The following MEGF11 variants were observed in gnomAD, a reference collection of about 807,000 sequenced individuals.
MEGF11 encodes the protein multiple epidermal growth factor-like domains protein 11.
A neutral mutation model predicts 146.6 loss-of-function variants in MEGF11; 126 were observed. That is an observed-to-expected ratio of 0.86 (90% CI 0.74 to 1.00). The LOEUF (loss-of-function observed/expected upper bound fraction) is 1.00. MEGF11 is among the 50% of genes least tolerant of loss of function. The pLI is 0.00. For synonymous variants in MEGF11, 532 were observed against 583.4 expected, an observed-to-expected ratio of 0.91 and a Z score of 1.27; for missense variants, 1,509 against 1,521.2, an observed-to-expected ratio of 0.99 and a Z score of 0.13.
chr15:66,100,455 G>A (rs1363907684), intron 4 of MEGF11, among the ~76,000 whole-genome samples: 1 of 152,186 alleles, frequency 6.6e-6, no homozygotes, highest in African/African-American at 2.4e-5. Flanking sequence ...AACAGACCGG[G>A]AGCCAGGCTG....
chr15:65,916,978 G>C, intron 16 of MEGF11, 22 bp from the exon 17 acceptor site: 2 of 1,483,398 alleles, frequency 1.3e-6, no homozygotes, highest in Non-Finnish European at 1.8e-6. Context: ...GTGAAATGCA[G>C]AGGGTGAGGG....
intron 1 of MEGF11, among the ~76,000 whole-genome samples, chr15:66,161,930 C>T (rs2089963837): frequency 6.6e-6 from 1 of 152,194 alleles, no homozygotes; most frequent in South Asian, 2.1e-4. Flanking sequence ...CCACTACCCA[C>T]AAATACATGT....
intron 5 of MEGF11, among the ~76,000 whole-genome samples, chr15:66,077,191 C>T (rs2085627871): frequency 6.6e-6 from 1 of 152,248 alleles, no homozygotes; most frequent in Non-Finnish European, 1.5e-5. Context: ...GCCTCCGCTT[C>T]AACCACACTG....
In MEGF11 at chr15:65,896,796, C is replaced by A. The variant is rs75972014; in HGVS notation, c.*1138G>T. 1 of 152,230 alleles carries A rather than the reference C, an allele frequency of 6.6e-6. No homozygotes were observed. Among genetic ancestry groups the A allele is most frequent in the South Asian group, 2.1e-4 (1 of 4,834 alleles). The allele number at this position is 152,230 out of a possible 1,614,324, so 9.4% of individuals were successfully genotyped here. ...AGAAGGTGGAAGGACTTCATATCCTCATGCTGTTTACAGTAACGTTTTTAC... is the reference window on the plus strand; with the variant it reads ...AGAAGGTGGAAGGACTTCATATCCTAATGCTGTTTACAGTAACGTTTTTAC... On this transcript the variant is annotated 3_prime_UTR_variant, in exon 26 of 26. Transcript: ENST00000395614.
chr15:65,960,429 G>A (rs16949158), intron 9 of MEGF11, among the ~76,000 whole-genome samples: 5,038 of 152,348 alleles, frequency 0.033, 297 homozygotes, highest in African/African-American at 0.12. Context: ...AGCGACCTGC[G>A]TGGGTATCGT....
chr15:65,955,781 TATATATATATATACAC>T lies in MEGF11; in HGVS notation c.1287+1750_1287+1765del, dbSNP rs1235246931. Among the ~76,000 whole-genome samples, 58 of 8,252 alleles carry T rather than the reference TATATATATATATACAC, an allele frequency of 7.0e-3. 7 individuals carry two copies. The highest frequency in any genetic ancestry group is 0.012 in the African/African-American group (57 of 4,876). The allele number at this position is 8,252 out of a possible 152,430, so 5.4% of individuals were successfully genotyped here. ...AAAAAAATATATATATATATATATA[TATATATATATATACAC>T]ACACACACACACACACAATACTTTA... On this transcript the variant is annotated intron_variant, in intron 10 of 25. Coordinates refer to ENST00000395614, the MANE Select transcript of MEGF11 (RefSeq NM_001385028.1).
chr15:66,049,749 G>A (rs1442868710), intron 5 of MEGF11, among the ~76,000 whole-genome samples: 1 of 152,036 alleles, frequency 6.6e-6, no homozygotes. Flanking sequence ...AACTGGGATG[G>A]GGCCCAGAGC....
chr15:65,949,991 G>A (rs1219625751), intron 10 of MEGF11, among the ~76,000 whole-genome samples: 1 of 152,176 alleles, frequency 6.6e-6, no homozygotes, highest in Non-Finnish European at 1.5e-5. Context: ...CAACCCTGCT[G>A]TTCCCAGCCA....
At chr15:66,217,030 G>A (rs1054258758) in intron 1 of MEGF11, among the ~76,000 whole-genome samples, 4 of 152,346 alleles carry the variant, frequency 2.6e-5, no homozygotes. Context: ...CCACATTGCA[G>A]CCCAACTTCT....
chr15:66,107,727 T>C (rs2087162979), intron 4 of MEGF11, among the ~76,000 whole-genome samples: 1 of 152,184 alleles, frequency 6.6e-6, no homozygotes, highest in Admixed American at 6.5e-5. Flanking sequence ...CCCTCCACTC[T>C]GGACTCTCAG....
intron 5 of MEGF11, among the ~76,000 whole-genome samples, chr15:66,015,286 G>A (rs1363822321): frequency 6.6e-6 from 1 of 152,206 alleles, no homozygotes; most frequent in Non-Finnish European, 1.5e-5. Flanking sequence ...AGAGCCCACT[G>A]TAGGAGGGTG....
Position 65,970,571 on chromosome 15 carries a change from G to C in MEGF11, c.881C>G (p.Ala294Gly), listed in dbSNP as rs748278533. The C allele has an allele frequency of 1.9e-6, 3 of 1,614,000 alleles. No individual in the cohort carries two copies. The highest frequency in any genetic ancestry group is 2.5e-6 in the Non-Finnish European group (3 of 1,179,866). Residue 294 changes from alanine to glycine, a missense_variant, in exon 8 of 26, where the codon GCT (alanine) becomes GGT (glycine). Transcript: ENST00000395614. ...TCCTTACCTGTCCCCCATGTATCCA[G>C]CTGTACAGTGGCACTGTCCAGTCAC... is the stretch of plus-strand genomic sequence containing the variant. ...DHVTGQCHCT[A>G]GYMGDRCQEE...
intron 1 of MEGF11, among the ~76,000 whole-genome samples, chr15:66,227,580 C>T (rs1462484890): frequency 6.6e-6 from 1 of 152,152 alleles, no homozygotes; most frequent in Middle Eastern, 3.2e-3. Context: ...ACCACCCACC[C>T]GCATACCTGC....
At chr15:66,049,987 G>C (rs2084385068) in intron 5 of MEGF11, among the ~76,000 whole-genome samples, 2 of 152,296 alleles carry the variant, frequency 1.3e-5, no homozygotes, top group Non-Finnish European at 1.5e-5. Context: ...CACTATTCTA[G>C]GTACTGAGGA....
intron 8 of MEGF11, among the ~76,000 whole-genome samples, chr15:65,965,571 C>CCTTTCTTTCTTTCTTT (rs1185795809): frequency 7.5e-5 from 5 of 66,608 alleles, no homozygotes; most frequent in Admixed American, 1.9e-4. Flanking sequence ...CAGTGAGGTC[C>CCTTTCTTTCTTTCTTT]CTTTCTTTCT....
At chr15:65,933,149 C>T (rs113339416) in intron 10 of MEGF11, among the ~76,000 whole-genome samples, 12 of 152,120 alleles carry the variant, frequency 7.9e-5, no homozygotes, top group Admixed American at 6.5e-5. Context: ...AGTCCTTCCC[C>T]GAAGGCCCCA....
At chr15:66,103,148 T>C (rs893785849) in intron 4 of MEGF11, among the ~76,000 whole-genome samples, 4 of 152,172 alleles carry the variant, frequency 2.6e-5, no homozygotes, top group African/African-American at 9.7e-5. Context: ...GGGGATGAGG[T>C]GACCGCACAC....
chr15:65,923,688 A>G (rs1335115286), intron 13 of MEGF11, among the ~76,000 whole-genome samples: 1 of 152,202 alleles, frequency 6.6e-6, no homozygotes, highest in Non-Finnish European at 1.5e-5. Flanking sequence ...TTGTAACCCA[A>G]CAATTTGATT....
At chr15:66,127,462 C>T (rs1182981295) in intron 2 of MEGF11, among the ~76,000 whole-genome samples, 2 of 152,214 alleles carry the variant, frequency 1.3e-5, no homozygotes, top group Non-Finnish European at 2.9e-5. Flanking sequence ...TATCCACCCT[C>T]ATGGGCATGA....
Sources: allele counts gnomAD v4.1 joint callset (sites outside exome capture counted in the v4.1 genomes callset), GRCh38; gene constraint gnomAD v4.1.1; transcripts MANE v1.5; gene names NCBI Gene and HGNC (gene_info 2026-07-23, HGNC 2026-07-21).